The following DAB1 variants were observed in gnomAD, a reference collection of about 807,000 sequenced individuals.
DAB1 encodes disabled homolog 1.
A neutral mutation model predicts 64.6 loss-of-function variants in DAB1; 15 were observed. The ratio of observed to expected loss-of-function variants is 0.23; its 90% CI spans 0.16 to 0.36. DAB1 has a LOEUF of 0.36. Among genes scored for constraint, DAB1 ranks in the 10% least tolerant of loss-of-function variants. The pLI, the probability that DAB1 is intolerant of heterozygous loss-of-function variation, is 1.00. For synonymous variants in DAB1, 235 were observed against 251.9 expected (o/e 0.93, Z 0.64); for missense variants, 596 against 706.7 (o/e 0.84, Z 1.78).
In DAB1 at chr1:58,058,359, T is replaced by G. The variant is rs191603108; in HGVS notation, n.387+92152A>C. On this transcript the variant is annotated intron_variant and non_coding_transcript_variant, in intron 5 of 20. Coordinates refer to the DAB1 transcript ENST00000485760. ...TCTTGGCATTCTTCCAGGTGCACTT[T>G]GCAATTCCACCAGCAAACCCCATTG... Among the ~76,000 whole-genome samples, 103 of 152,346 alleles carry G rather than the reference T, an allele frequency of 6.8e-4. 1 individual carries two copies. The highest frequency in any genetic ancestry group is 2.3e-3 in the African/African-American group (97 of 41,580).
intron 7 of DAB1, among the ~76,000 whole-genome samples, chr1:57,460,887 G>A (rs1429660802): frequency 6.6e-6 from 1 of 152,148 alleles, no homozygotes; most frequent in Non-Finnish European, 1.5e-5. Context: ...TACCTTATCT[G>A]ATTTTTTTAA....
chr1:57,985,947 T>C (rs568707007), intron 5 of DAB1, among the ~76,000 whole-genome samples: 10 of 152,300 alleles, frequency 6.6e-5, no homozygotes, highest in African/African-American at 2.4e-4. Flanking sequence ...AACAGCCCTA[T>C]GAGATAGGTA....
At chr1:57,720,178 C>T (rs1182350126) in intron 6 of DAB1, among the ~76,000 whole-genome samples, 1 of 152,186 alleles carries the variant, frequency 6.6e-6, no homozygotes, top group Non-Finnish European at 1.5e-5. Context: ...AGAGGAATGA[C>T]TCTGTGTACT....
rs145999889 is a variant in DAB1 at position 58,480,975 on chromosome 1, G to A, written n.257+25085C>T. On this transcript the variant is annotated intron_variant and non_coding_transcript_variant, in intron 3 of 20. Transcript: ENST00000485760. ...CTCATAAATTTTAATTCAACTGCCC[G>A]TTCTTTTCTCAACTATGTATGTTAA... 372 of 860,726 alleles carry A rather than the reference G, an allele frequency of 4.3e-4. No individual in the cohort carries two copies. Among genetic ancestry groups the A allele is most frequent in the African/African-American group, 2.1e-3 (128 of 60,742 alleles). 53.3% of individuals were successfully genotyped at this position (860,726 alleles called of 1,614,324 possible). A position where few individuals can be genotyped will look rare whatever the true frequency, so the allele number is the denominator to read the frequency against.
At chr1:58,441,059 G>A (rs140526693) in intron 3 of DAB1, among the ~76,000 whole-genome samples, 7 of 152,200 alleles carry the variant, frequency 4.6e-5, no homozygotes, top group African/African-American at 1.4e-4. Flanking sequence ...TCTGTCGGTC[G>A]TTGGTTCAAA....
chr1:57,575,899 T>C (rs1172197074), intron 7 of DAB1, among the ~76,000 whole-genome samples: 1 of 152,180 alleles, frequency 6.6e-6, no homozygotes, highest in African/African-American at 2.4e-5. Context: ...GAATTGTACC[T>C]AGGTGGCATT....
chr1:57,499,253 C>T (rs561698737), intron 7 of DAB1, among the ~76,000 whole-genome samples: 5 of 152,142 alleles, frequency 3.3e-5, no homozygotes, highest in South Asian at 4.1e-4. Flanking sequence ...GGATTACAGG[C>T]GTGAGCCACT....
chr1:57,145,823 T>G (rs183050374), intron 2 of DAB1, among the ~76,000 whole-genome samples: 93 of 152,358 alleles, frequency 6.1e-4, no homozygotes, highest in African/African-American at 2.2e-3. Flanking sequence ...TAGAATAATA[T>G]GAGCACCGAG....
intron 1 of DAB1, among the ~76,000 whole-genome samples, chr1:57,365,314 T>C (rs1057476774): frequency 3.4e-4 from 48 of 142,110 alleles, no homozygotes; most frequent in African/African-American, 1.2e-3. Flanking sequence ...CATAAACATA[T>C]ATTTATGTAT....
At chr1:57,410,952 A>G (rs1684056157) in intron 1 of DAB1, among the ~76,000 whole-genome samples, 1 of 152,218 alleles carries the variant, frequency 6.6e-6, no homozygotes, top group Non-Finnish European at 1.5e-5. Flanking sequence ...TTGAAATTTT[A>G]TCACCAGTAC....
chr1:57,013,155 A>T (rs1237637638), intron 12 of DAB1, among the ~76,000 whole-genome samples: 3 of 152,246 alleles, frequency 2.0e-5, no homozygotes, highest in Non-Finnish European at 2.9e-5. Context: ...CAACATGTCC[A>T]TAGTGCCGAG....
At chr1:58,447,015 T>C (rs1645075222) in intron 3 of DAB1, among the ~76,000 whole-genome samples, 1 of 152,206 alleles carries the variant, frequency 6.6e-6, no homozygotes, top group Non-Finnish European at 1.5e-5. Flanking sequence ...GGAAACTCTT[T>C]GGACATCCTA....
At chr1:58,419,264 T>A (rs994305171) in intron 3 of DAB1, among the ~76,000 whole-genome samples, 9 of 152,182 alleles carry the variant, frequency 5.9e-5, no homozygotes, top group African/African-American at 1.7e-4. Flanking sequence ...TTAAGAAGTA[T>A]GAAACCATAA....
At chr1:57,524,103 T>C (rs1644563398) in intron 7 of DAB1, among the ~76,000 whole-genome samples, 1 of 151,680 alleles carries the variant, frequency 6.6e-6, no homozygotes, top group Non-Finnish European at 1.5e-5. Flanking sequence ...GAGAAAAGAT[T>C]TTAAATTAGA....
intron 6 of DAB1, among the ~76,000 whole-genome samples, chr1:57,780,706 CTTCT>C (rs1376777848): frequency 2.0e-5 from 3 of 151,588 alleles, no homozygotes; most frequent in East Asian, 1.9e-4. Context: ...TCCTTCCTTC[CTTCT>C]TTCTTTTTTT....
At chr1:58,324,479 C>CT in intron 4 of DAB1, among the ~76,000 whole-genome samples, 1 of 152,276 alleles carries the variant, frequency 6.6e-6, no homozygotes, top group East Asian at 1.9e-4. Flanking sequence ...AATCGTCTCA[C>CT]TTTTTATGTC....
At chr1:57,197,626 T>A (rs752204664) in intron 2 of DAB1, among the ~76,000 whole-genome samples, 1 of 152,208 alleles carries the variant, frequency 6.6e-6, no homozygotes, top group Admixed American at 6.5e-5. Context: ...CAGATTTTAG[T>A]GCCAGATTCA....
At chr1:58,338,593 A>C (rs1444921427) in intron 4 of DAB1, among the ~76,000 whole-genome samples, 3 of 152,210 alleles carry the variant, frequency 2.0e-5, no homozygotes, top group Non-Finnish European at 4.4e-5. Flanking sequence ...CAGTCTTCGA[A>C]TATATCCATG....
At chr1:58,076,187 A>C (rs1029446540) in intron 5 of DAB1, among the ~76,000 whole-genome samples, 11 of 152,332 alleles carry the variant, frequency 7.2e-5, no homozygotes, top group African/African-American at 2.6e-4. Flanking sequence ...GTGATGGTTC[A>C]TGTCTATTTA....
Sources: gnomAD v4.1 joint callset for allele counts (sites outside exome capture counted in the v4.1 genomes callset) on GRCh38, gnomAD v4.1.1 for gene constraint, MANE v1.5 for transcripts, NCBI Gene and HGNC (gene_info 2026-07-23, HGNC 2026-07-21) for gene names.